The following KIAA1217 variants were observed in gnomAD, a reference collection of about 807,000 sequenced individuals.
The protein encoded by KIAA1217 is KIAA1217, also known as sickle tail protein homolog.
A neutral mutation model predicts 163.9 loss-of-function variants in KIAA1217; 88 were observed. That is an observed-to-expected ratio of 0.54 (90% CI 0.45 to 0.64). The LOEUF (loss-of-function observed/expected upper bound fraction) is 0.64. KIAA1217 is among the 30% of genes least tolerant of loss of function. The probability of loss-of-function intolerance (pLI) is 0.00; values close to 1 mark genes in which losing one functional copy is unlikely to be tolerated. For synonymous variants in KIAA1217, 903 were observed against 923.1 expected, an observed-to-expected ratio of 0.98 and a Z score of 0.39; for missense variants, 2,372 against 2,475.0, an observed-to-expected ratio of 0.96 and a Z score of 0.88.
intron 10 of KIAA1217, 21 bp from the exon 11 acceptor site, chr10:24,520,102 C>T: frequency 6.2e-7 from 1 of 1,611,704 alleles, no homozygotes; most frequent in Middle Eastern, 1.7e-4. Flanking sequence ...GCTCTATGTG[C>T]TGGTGTCCTT....
At chr10:24,079,307 G>A (rs947880062) in intron 2 of KIAA1217, among the ~76,000 whole-genome samples, 1 of 152,198 alleles carries the variant, frequency 6.6e-6, no homozygotes, top group African/African-American at 2.4e-5. Context: ...AGGGAAATGG[G>A]AGAACAGTGA....
intron 1 of KIAA1217, among the ~76,000 whole-genome samples, chr10:23,866,246 C>T (rs561906443): frequency 2.0e-5 from 3 of 152,182 alleles, no homozygotes; most frequent in East Asian, 1.9e-4. Flanking sequence ...CTTCTCATCT[C>T]AATGAAAGTT....
intron 1 of KIAA1217, among the ~76,000 whole-genome samples, chr10:23,870,059 T>C (rs1318532668): frequency 6.6e-6 from 1 of 152,128 alleles, no homozygotes; most frequent in Non-Finnish European, 1.5e-5. Flanking sequence ...TACGTGAACA[T>C]GAAATGTAGC....
chr10:24,540,967 C>T lies in KIAA1217; in HGVS notation c.3535-1726C>T, dbSNP rs1018801206. 2.6e-5 allele frequency among the ~76,000 whole-genome samples: 4 copies of T among 151,902 alleles called. 1 individual carries two copies. Among genetic ancestry groups the T allele is most frequent in the Admixed American group, 2.0e-4 (3 of 15,252 alleles). ...TATTTTCAGTAGAGATGGGATTTCA[C>T]CGTGATGACCAGGTCGGTCTCAAAT... is the stretch of plus-strand genomic sequence containing the variant. On this transcript the variant is annotated intron_variant, in intron 17 of 20. Transcript: ENST00000376454.
chr10:24,042,937 T>C (rs1436093401), intron 2 of KIAA1217, among the ~76,000 whole-genome samples: 3 of 152,202 alleles, frequency 2.0e-5, no homozygotes, highest in Non-Finnish European at 4.4e-5. Flanking sequence ...TAAAAATGAA[T>C]TGTATCTGAA....
intron 5 of KIAA1217, among the ~76,000 whole-genome samples, chr10:24,451,292 T>C (rs111545803): frequency 6.6e-6 from 1 of 152,226 alleles, no homozygotes; most frequent in African/African-American, 2.4e-5. Context: ...TAACTGTGCC[T>C]GCCCACTGCC....
intron 2 of KIAA1217, among the ~76,000 whole-genome samples, chr10:24,302,992 T>A (rs895611622): frequency 6.6e-6 from 1 of 152,138 alleles, no homozygotes; most frequent in Non-Finnish European, 1.5e-5. Context: ...GAATTTTTAC[T>A]CTGAGTAAGA....
chr10:24,196,945 C>A (rs2067017361), intron 2 of KIAA1217, among the ~76,000 whole-genome samples: 1 of 152,148 alleles, frequency 6.6e-6, no homozygotes, highest in Non-Finnish European at 1.5e-5. Context: ...ATTTACCCAA[C>A]AAATATTTCT....
chr10:24,068,312 C>G (rs146009695), intron 2 of KIAA1217, among the ~76,000 whole-genome samples: 256 of 152,278 alleles, frequency 1.7e-3, no homozygotes, highest in African/African-American at 5.8e-3. Flanking sequence ...TATTCTTCAG[C>G]TCCAAGATTT....
chr10:24,422,329 A>C (rs1226620346), intron 3 of KIAA1217, among the ~76,000 whole-genome samples: 2 of 152,220 alleles, frequency 1.3e-5, no homozygotes, highest in Non-Finnish European at 2.9e-5. Context: ...TTATAACATT[A>C]ATTGATATTA....
intron 2 of KIAA1217, among the ~76,000 whole-genome samples, chr10:24,102,249 A>G (rs185358846): frequency 6.6e-6 from 1 of 152,340 alleles, no homozygotes; most frequent in African/African-American, 2.4e-5. Flanking sequence ...TATACCAGCA[A>G]TAAACAATTG....
chr10:23,926,054 C>T (rs1843006687), intron 1 of KIAA1217, among the ~76,000 whole-genome samples: 5 of 152,172 alleles, frequency 3.3e-5, no homozygotes, highest in Admixed American at 3.3e-4. Context: ...CCTCCCCATA[C>T]TGAGGCAGAG....
chr10:24,398,385 A>T (rs1409273819), intron 3 of KIAA1217, among the ~76,000 whole-genome samples: 1 of 152,188 alleles, frequency 6.6e-6, no homozygotes, highest in African/African-American at 2.4e-5. Context: ...GGAAATCCAC[A>T]TACTGTTAAG....
At chr10:24,104,677 A>C (rs1381990389) in intron 2 of KIAA1217, among the ~76,000 whole-genome samples, 1 of 152,220 alleles carries the variant, frequency 6.6e-6, no homozygotes, top group African/African-American at 2.4e-5. Context: ...ATGAAGTGCC[A>C]ATGTAAACTC....
At chr10:23,897,446 G>C (rs562050540) in intron 1 of KIAA1217, among the ~76,000 whole-genome samples, 1 of 152,090 alleles carries the variant, frequency 6.6e-6, no homozygotes, top group Non-Finnish European at 1.5e-5. Context: ...TGGCTTTGTT[G>C]GTGTTCACTG....
intron 2 of KIAA1217, among the ~76,000 whole-genome samples, chr10:24,144,516 T>A (rs985945992): frequency 2.0e-5 from 3 of 152,238 alleles, no homozygotes; most frequent in African/African-American, 7.2e-5. Context: ...ATTTTGTGAT[T>A]CCTGCAAATT....
At chr10:24,411,014 G>A (rs947061940) in intron 3 of KIAA1217, among the ~76,000 whole-genome samples, 17 of 152,144 alleles carry the variant, frequency 1.1e-4, no homozygotes, top group Non-Finnish European at 2.1e-4. Context: ...TCAATTCACC[G>A]TGTAAGAGAG....
At chr10:24,328,329 G>A (rs2045215227) in intron 2 of KIAA1217, among the ~76,000 whole-genome samples, 2 of 152,140 alleles carry the variant, frequency 1.3e-5, no homozygotes, top group Admixed American at 1.3e-4. Flanking sequence ...GGGGGTCAAT[G>A]AGGCATCATC....
At chr10:24,458,324 G>A (rs1292479141) in intron 5 of KIAA1217, among the ~76,000 whole-genome samples, 2 of 152,184 alleles carry the variant, frequency 1.3e-5, no homozygotes, top group East Asian at 3.9e-4. Flanking sequence ...GTCTTGTGGG[G>A]CTCGTGAGTA....
Sources: allele counts gnomAD v4.1 joint callset (sites outside exome capture counted in the v4.1 genomes callset), GRCh38; gene constraint gnomAD v4.1.1; transcripts MANE v1.5; gene names NCBI Gene and HGNC (gene_info 2026-07-23, HGNC 2026-07-21).